Variants in PDE1C observed in about 807,000 individuals in gnomAD.
PDE1C encodes phosphodiesterase 1C, also known as dual specificity calcium/calmodulin-dependent 3',5'-cyclic nucleotide phosphodiesterase 1C.
Under a neutral mutation model 93.1 loss-of-function variants are expected in PDE1C, and 62 were observed. That is an observed-to-expected ratio of 0.67 (90% CI 0.54 to 0.82). The LOEUF (loss-of-function observed/expected upper bound fraction) is 0.82. Among genes scored for constraint, PDE1C ranks in the 40% least tolerant of loss-of-function variants. The pLI, the probability that PDE1C is intolerant of heterozygous loss-of-function variation, is 0.00. For synonymous variants in PDE1C, 325 were observed against 310.1 expected, an observed-to-expected ratio of 1.05 and a Z score of -0.50; for missense variants, 742 against 884.6, an observed-to-expected ratio of 0.84 and a Z score of 2.04.
At chr7:32,053,831 C>G (rs912529783) in intron 1 of PDE1C, among the ~76,000 whole-genome samples, 3 of 152,136 alleles carry the variant, frequency 2.0e-5, no homozygotes, top group African/African-American at 7.2e-5. Context: ...GTAGGATCCC[C>G]TCTCTGAAAG....
At chr7:32,100,925 G>A (rs1798004438) in intron 3 of PDE1C, among the ~76,000 whole-genome samples, 1 of 152,098 alleles carries the variant, frequency 6.6e-6, no homozygotes, top group Admixed American at 6.5e-5. Context: ...CCATCACTTT[G>A]GCCTAAATAC....
chr7:32,383,036 T>C (rs1465344782), intron 1 of PDE1C, among the ~76,000 whole-genome samples: 2 of 152,368 alleles, frequency 1.3e-5, no homozygotes, highest in African/African-American at 4.8e-5. Context: ...AGCCAGCAGA[T>C]GTTTCTGTTC....
chr7:32,130,531 G>A (rs1171700876), intron 3 of PDE1C, among the ~76,000 whole-genome samples: 1 of 152,040 alleles, frequency 6.6e-6, no homozygotes, highest in Non-Finnish European at 1.5e-5. Flanking sequence ...TTATTTGTAT[G>A]TGTAATTTCA....
chr7:31,986,486 A>T (rs141346587), intron 2 of PDE1C, among the ~76,000 whole-genome samples: 1 of 152,188 alleles, frequency 6.6e-6, no homozygotes. Context: ...AACCCAGTAC[A>T]GTGACCTTAT....
At chr7:32,001,935 T>C (rs1427066129) in intron 2 of PDE1C, among the ~76,000 whole-genome samples, 1 of 152,304 alleles carries the variant, frequency 6.6e-6, no homozygotes, top group East Asian at 1.9e-4. Flanking sequence ...GGCAGGTTCC[T>C]GTAATCCCAG....
chr7:31,955,406 T>C (rs1807991269), intron 2 of PDE1C, among the ~76,000 whole-genome samples: 2 of 152,310 alleles, frequency 1.3e-5, no homozygotes, highest in Non-Finnish European at 2.9e-5. Flanking sequence ...TTTACCTTCA[T>C]TGGTAAAGTT....
chr7:32,030,535 A>T (rs991654218), intron 2 of PDE1C, among the ~76,000 whole-genome samples: 1 of 152,086 alleles, frequency 6.6e-6, no homozygotes, highest in East Asian at 1.9e-4. Flanking sequence ...TTCTACGTAC[A>T]TGTTGATGGG....
At chr7:31,952,422 G>A (rs920303420) in intron 2 of PDE1C, among the ~76,000 whole-genome samples, 2 of 152,046 alleles carry the variant, frequency 1.3e-5, no homozygotes, top group Admixed American at 1.3e-4. Flanking sequence ...GCTAATTTTT[G>A]TATTTTTAGT....
chr7:32,017,424 T>A (rs1014492218), intron 2 of PDE1C, among the ~76,000 whole-genome samples: 1 of 152,102 alleles, frequency 6.6e-6, no homozygotes, highest in African/African-American at 2.4e-5. Context: ...TAAATCTACA[T>A]GACCTTAGAT....
chr7:32,262,004 G>GA lies in PDE1C; in HGVS notation c.85+36646dup, dbSNP rs1381272322. The stretch of plus-strand genomic sequence containing the variant: ...TGGCTCACACCAGGGGTTGCTTTGG[G>GA]ATTTTTTTTTTTTTTTTTTTTTTTT... On this transcript the variant is annotated intron_variant, in intron 1 of 18. Coordinates refer to the PDE1C transcript ENST00000396193. 3.5e-5 allele frequency among the ~76,000 whole-genome samples: 4 copies of GA among 113,342 alleles called. No homozygotes were observed. In the East Asian group the frequency reaches 1.0e-3, roughly 30 times the overall value. 74.4% of individuals were successfully genotyped at this position (113,342 alleles called of 152,430 possible). A position where few individuals can be genotyped will look rare whatever the true frequency, so the allele number is the denominator to read the frequency against.
intron 1 of PDE1C, among the ~76,000 whole-genome samples, chr7:32,232,382 A>G (rs980999695): frequency 5.3e-5 from 8 of 152,136 alleles, no homozygotes; most frequent in East Asian, 1.9e-4. Context: ...GCAGACTGCA[A>G]TCCCCTAAGA....
intron 2 of PDE1C, among the ~76,000 whole-genome samples, chr7:32,197,851 CA>C (rs1804726776): frequency 6.6e-6 from 1 of 152,032 alleles, no homozygotes; most frequent in African/African-American, 2.4e-5. Flanking sequence ...TTTGGGGTGA[CA>C]AAAATTATCT....
intron 2 of PDE1C, chr7:32,170,033 A>G: frequency 1.5e-6 from 2 of 1,297,384 alleles, no homozygotes; most frequent in Non-Finnish European, 2.2e-6. Context: ...CCAACTCAGG[A>G]TCTTCCAAAG....
chr7:31,656,141 T>A, the PDE1C span: 1 of 513,604 alleles, frequency 1.9e-6, no homozygotes, highest in Non-Finnish European at 2.5e-6. Context: ...GCTTTTTTGT[T>A]AAAACACTGA....
intron 1 of PDE1C, among the ~76,000 whole-genome samples, chr7:32,384,560 A>C (rs1426663165): frequency 6.6e-6 from 1 of 152,180 alleles, no homozygotes; most frequent in African/African-American, 2.4e-5. Context: ...CACAGAGTTC[A>C]GTCTGTGAGA....
chr7:32,265,883 A>G (rs917264513), intron 1 of PDE1C, among the ~76,000 whole-genome samples: 10 of 150,638 alleles, frequency 6.6e-5, no homozygotes, highest in African/African-American at 2.4e-5. Flanking sequence ...ACAAGCTCCT[A>G]ATGAATTTGT....
the PDE1C span, chr7:31,652,091 A>G: frequency 7.4e-7 from 1 of 1,352,670 alleles, no homozygotes; most frequent in Non-Finnish European, 1.0e-6. Flanking sequence ...TATCCAGCCT[A>G]CCACAGGAGA....
intron 9 of PDE1C, among the ~76,000 whole-genome samples, chr7:31,842,436 A>T (rs1168796392): frequency 6.6e-6 from 1 of 152,060 alleles, no homozygotes; most frequent in Non-Finnish European, 1.5e-5. Flanking sequence ...TCTTTGTGGG[A>T]ATATTTTTGA....
At chr7:32,425,077 G>T (rs1785501705) in intron 1 of PDE1C, among the ~76,000 whole-genome samples, 1 of 151,830 alleles carries the variant, frequency 6.6e-6, no homozygotes, top group South Asian at 2.1e-4. Flanking sequence ...CAGCAATACT[G>T]TTTATGTATA....
Sources: allele counts gnomAD v4.1 joint callset (sites outside exome capture counted in the v4.1 genomes callset), GRCh38; gene constraint gnomAD v4.1.1; transcripts MANE v1.5; gene names NCBI Gene and HGNC (gene_info 2026-07-23, HGNC 2026-07-21).